Variants in ANO10 observed in about 807,000 individuals in gnomAD.
ANO10 encodes anoctamin-10.
A neutral mutation model predicts 74.7 loss-of-function variants in ANO10; 77 were observed. That is an observed-to-expected ratio of 1.03 (90% confidence interval 0.86 to 1.25). The LOEUF (loss-of-function observed/expected upper bound fraction) is 1.25. ANO10 is among the 50% of genes most tolerant of loss of function. ANO10 has a pLI of 0.00. For missense variants in ANO10, 721 were observed against 778.1 expected, an observed-to-expected ratio of 0.93 and a Z score of 0.87; for synonymous variants, 279 against 284.9, an observed-to-expected ratio of 0.98 and a Z score of 0.21.
intron 11 of ANO10, among the ~76,000 whole-genome samples, chr3:43,519,071 G>A (rs149659997): frequency 3.9e-5 from 6 of 151,988 alleles, no homozygotes; most frequent in African/African-American, 1.4e-4. Flanking sequence ...TGTCTCCCCC[G>A]GACACCCAGC....
In ANO10 at chr3:43,404,630, C is replaced by T. The variant is rs145377393; in HGVS notation, c.1914+27981G>A. Among the ~76,000 whole-genome samples, 99 of 151,934 alleles carry T rather than the reference C, an allele frequency of 6.5e-4. 3 individuals carry two copies. The South Asian group carries it at 0.01, about 16-fold the overall frequency. ...AGTATGATGGCTCATCCCTGTAATCCCAGCATTTTACAAGGCTGAGGTGGG... is the reference window on the plus strand; with the variant it reads ...AGTATGATGGCTCATCCCTGTAATCTCAGCATTTTACAAGGCTGAGGTGGG... On this transcript the variant is annotated intron_variant, in intron 12 of 12. Transcript: ENST00000292246.
chr3:43,419,602 G>A (rs191882449), intron 12 of ANO10, among the ~76,000 whole-genome samples: 15 of 149,668 alleles, frequency 1.0e-4, no homozygotes, highest in Admixed American at 4.7e-4. Flanking sequence ...TGCAACCTCC[G>A]CCTCCCGGGT....
At chr3:43,575,700 C>T (rs529007153) in intron 6 of ANO10, among the ~76,000 whole-genome samples, 8 of 152,078 alleles carry the variant, frequency 5.3e-5, no homozygotes, top group Non-Finnish European at 1.2e-4. Context: ...TGCAGTGGCA[C>T]GATCTCGGCT....
At chr3:43,454,082 C>G (rs1030113718) in intron 11 of ANO10, among the ~76,000 whole-genome samples, 3 of 152,122 alleles carry the variant, frequency 2.0e-5, no homozygotes, top group Non-Finnish European at 4.4e-5. Context: ...GAAGGTGACT[C>G]TCAATAAAGA....
At chr3:43,485,143 T>G in intron 11 of ANO10, 1 of 800,324 alleles carries the variant, frequency 1.2e-6, no homozygotes, top group Non-Finnish European at 2.1e-6. Flanking sequence ...GTGATCTGGA[T>G]GGAGTGGGCC....
rs138400599 is a variant in ANO10, at chr3:43,691,003, A to C, written c.-12+514T>G. On this transcript the variant is annotated intron_variant, in intron 1 of 3. Coordinates refer to the ANO10 transcript ENST00000413397. ...TGCGCGGCGGCGGCTATGGCGGCGG[A>C]GGAGGAGGAGGTGGACTCTGCCGAC... 2.1e-4 allele frequency: 327 copies of C among 1,561,020 alleles called. No homozygotes were observed. In the African/African-American group the frequency reaches 2.7e-3, roughly 13 times the overall value.
At chr3:43,571,620 G>C (rs2080722337) in intron 7 of ANO10, among the ~76,000 whole-genome samples, 1 of 151,312 alleles carries the variant, frequency 6.6e-6, no homozygotes, top group Admixed American at 6.6e-5. Flanking sequence ...TCACTCATAG[G>C]TGGGAACTGA....
chr3:43,500,966 G>A (rs1029740282), intron 11 of ANO10, among the ~76,000 whole-genome samples: 1 of 152,152 alleles, frequency 6.6e-6, no homozygotes, highest in Middle Eastern at 3.2e-3. Context: ...GGAGGGCGCT[G>A]TACGTACAGT....
intron 1 of ANO10, among the ~76,000 whole-genome samples, chr3:43,670,353 T>TAAAA (rs1224505693): frequency 3.3e-5 from 5 of 149,810 alleles, no homozygotes; most frequent in South Asian, 2.1e-4. Context: ...AATAAATAAA[T>TAAAA]AAAATAATAA....
intron 11 of ANO10, among the ~76,000 whole-genome samples, chr3:43,439,246 A>T (rs2093122664): frequency 1.3e-5 from 2 of 151,856 alleles, no homozygotes; most frequent in African/African-American, 4.8e-5. Context: ...CAAAGTACTG[A>T]AAGAAAAAAC....
At chr3:43,458,332 A>C (rs2149017456) in intron 11 of ANO10, among the ~76,000 whole-genome samples, 1 of 152,300 alleles carries the variant, frequency 6.6e-6, no homozygotes, top group East Asian at 1.9e-4. Context: ...AATCTGTTCT[A>C]AGAAGAAGTT....
rs1454837748 is a variant in ANO10 at position 43,426,919 on chromosome 3, A to T, written c.1914+5692T>A. Among the ~76,000 whole-genome samples, 3 of 152,186 alleles carry T rather than the reference A, an allele frequency of 2.0e-5. 1 individual carries two copies. Among genetic ancestry groups the T allele is most frequent in the Admixed American group, 2.0e-4 (3 of 15,266 alleles). On this transcript the variant is annotated intron_variant, in intron 12 of 12. Coordinates refer to ENST00000292246, the MANE Select transcript of ANO10 (RefSeq NM_018075.5). ...GAAACACACATAGCTTCCTATTTGT[A>T]CCAAAAAAGATCTGTTTTCAGTACA...
chr3:43,656,425 C>T (rs981454859), intron 1 of ANO10, among the ~76,000 whole-genome samples: 13 of 152,362 alleles, frequency 8.5e-5, no homozygotes, highest in East Asian at 5.8e-4. Flanking sequence ...GCCGTGCGCT[C>T]GCACTCCTCA....
chr3:43,689,658 AT>A (rs1371727114), intron 1 of ANO10, among the ~76,000 whole-genome samples: 48 of 152,330 alleles, frequency 3.2e-4, no homozygotes, highest in African/African-American at 1.1e-3. Context: ...TTGGAAAGAT[AT>A]TCGATAATGT....
intron 1 of ANO10, among the ~76,000 whole-genome samples, chr3:43,658,620 C>A (rs1057036964): frequency 3.9e-5 from 6 of 152,072 alleles, no homozygotes; most frequent in Non-Finnish European, 8.8e-5. Flanking sequence ...CAGTCACCTG[C>A]CAACAGCCCA....
chr3:43,482,318 G>A (rs1266418935), intron 11 of ANO10, among the ~76,000 whole-genome samples: 1 of 152,130 alleles, frequency 6.6e-6, no homozygotes, highest in East Asian at 1.9e-4. Context: ...CTGGGGCTGT[G>A]TCATGAGCCA....
At chr3:43,661,234 G>C (rs1319742831) in intron 1 of ANO10, among the ~76,000 whole-genome samples, 2 of 152,226 alleles carry the variant, frequency 1.3e-5, no homozygotes, top group Non-Finnish European at 2.9e-5. Flanking sequence ...AGCCAGAAGA[G>C]AGTGGGGGCC....
intron 1 of ANO10, among the ~76,000 whole-genome samples, chr3:43,664,919 C>T (rs775841410): frequency 6.1e-5 from 9 of 148,756 alleles, no homozygotes; most frequent in Non-Finnish European, 1.2e-4. Context: ...AATGCTTTTA[C>T]ACTGTTGGGA....
At chr3:43,557,454 G>T (rs2079805501) in intron 9 of ANO10, among the ~76,000 whole-genome samples, 2 of 152,106 alleles carry the variant, frequency 1.3e-5, no homozygotes, top group South Asian at 2.1e-4. Context: ...CATTTTGTTT[G>T]GCCAGGCGCA....
Sources: gnomAD v4.1 joint callset for allele counts (sites outside exome capture counted in the v4.1 genomes callset) on GRCh38, gnomAD v4.1.1 for gene constraint, MANE v1.5 for transcripts, NCBI Gene and HGNC (gene_info 2026-07-23, HGNC 2026-07-21) for gene names.